The following GLIS1 variants were observed in gnomAD, a reference collection of about 807,000 sequenced individuals.
GLIS1 encodes zinc finger protein GLIS1.
Under a neutral mutation model 63.8 loss-of-function variants are expected in GLIS1, and 24 were observed. The ratio of observed to expected loss-of-function variants is 0.38; its 90% CI spans 0.27 to 0.53. The LOEUF (loss-of-function observed/expected upper bound fraction) is 0.53, where lower values mean the gene tolerates loss of function less well. Ranked by LOEUF, GLIS1 falls within the 20% of genes least tolerant of loss-of-function variation. The probability of loss-of-function intolerance (pLI) is 0.85; values close to 1 mark genes in which losing one functional copy is unlikely to be tolerated. For missense variants in GLIS1, 1,036 were observed against 1,074.1 expected (o/e 0.96, Z 0.50); for synonymous variants, 450 against 482.5 (o/e 0.93, Z 0.88).
chr1:53,687,516 TC>T (rs2100447686), intron 2 of GLIS1, among the ~76,000 whole-genome samples: 1 of 152,202 alleles, frequency 6.6e-6, no homozygotes, highest in East Asian at 1.9e-4. Context: ...CCCGAGTACA[TC>T]CCCGCTCTCC....
rs185841470 is a variant in GLIS1 at position 53,548,873 on chromosome 1, T to C, written c.1321-18921A>G. Among the ~76,000 whole-genome samples, 153 of 152,326 alleles carry C rather than the reference T, an allele frequency of 1.0e-3. 1 individual carries two copies. Among genetic ancestry groups the C allele is most frequent in the African/African-American group, 3.5e-3 (146 of 41,570 alleles). ...CAGCATTGTACAAGCATTACCACAA[T>C]CAATTTTAGAATATTTTTATCACTC... On this transcript the variant is annotated intron_variant, in intron 4 of 10. Coordinates refer to ENST00000628545, the MANE Select transcript of GLIS1 (RefSeq NM_001367484.1).
At position 53,529,823 on chromosome 1, in the gene GLIS1, G is replaced by A. The variant is rs771448756; in HGVS notation, c.1450C>T (p.Arg484Cys). Residue 484 changes from arginine to cysteine, a missense_variant, in exon 5 of 11, where the codon CGC (arginine) becomes TGC (cysteine). Arg to Cys is a radical substitution (Grantham distance 180). Coordinates refer to ENST00000628545, the MANE Select transcript of GLIS1 (RefSeq NM_001367484.1). ...AGGTGGGTGCGCTGGTGCTTGGCGC[G>A]GTCGCTGGAGTTGCTGAAGGCCTTC... ...CQKAFSNSSD[R>C]AKHQRTHLDT... 5.0e-6 allele frequency: 8 copies of A among 1,613,256 alleles called. No individual in the cohort carries two copies. The highest frequency in any genetic ancestry group is 3.4e-6 in the Non-Finnish European group (4 of 1,180,004).
chr1:53,576,035 G>A (rs1290762178), intron 4 of GLIS1, among the ~76,000 whole-genome samples: 1 of 152,100 alleles, frequency 6.6e-6, no homozygotes, highest in Non-Finnish European at 1.5e-5. Flanking sequence ...CCTCAGAGGA[G>A]ACAGACTTGC....
chr1:53,594,674 A>C lies in GLIS1; in HGVS notation c.754T>G (p.Ser252Ala), dbSNP rs760520815. The change falls in exon 4 of 11, where the codon TCC becomes GCC. Residue 252 changes from serine (S) to alanine (A), a missense_variant. Physicochemically the swap from Ser to Ala is moderately conservative, Grantham distance 99 (BLOSUM62 1). This residue lies in a region of GLIS1 where 592 missense variants were observed against 593.9 expected (regional missense o/e 1.00). Coordinates refer to ENST00000628545, the MANE Select transcript of GLIS1 (RefSeq NM_001367484.1). ...VLGLPPTSPA[S>A]SSPCASSDVT... ...TCGGAGGAGGCACAGGGTGAGGAGG[A>C]GGCTGGGGAGGTGGGGGGTAGGCCC... 1 of 1,543,684 alleles carries C rather than the reference A, an allele frequency of 6.5e-7. No homozygotes were observed. The highest frequency in any genetic ancestry group is 1.8e-5 in the Admixed American group (1 of 54,102).
At chr1:53,544,794 G>C (rs1402837869) in intron 4 of GLIS1, among the ~76,000 whole-genome samples, 1 of 152,216 alleles carries the variant, frequency 6.6e-6, no homozygotes, top group Non-Finnish European at 1.5e-5. Context: ...TTCTTTGTGA[G>C]GTTCTGGGCT....
chr1:53,674,278 G>A (rs2100406205), intron 2 of GLIS1, among the ~76,000 whole-genome samples: 1 of 152,182 alleles, frequency 6.6e-6, no homozygotes, highest in East Asian at 1.9e-4. Context: ...CCCAACGTGT[G>A]GTCCACAGTC....
chr1:53,665,014 A>T (rs1224932381), intron 2 of GLIS1, among the ~76,000 whole-genome samples: 1 of 152,162 alleles, frequency 6.6e-6, no homozygotes, highest in Non-Finnish European at 1.5e-5. Flanking sequence ...CACTGCTGCC[A>T]TTGTAAGTAA....
At chr1:53,600,366 A>G in intron 2 of GLIS1, 88 bp from the exon 3 acceptor site, 1 of 747,898 alleles carries the variant, frequency 1.3e-6, no homozygotes, top group Non-Finnish European at 1.8e-6. Flanking sequence ...CCTGGGGTAC[A>G]GCAAGGGACA....
chr1:53,642,968 G>A (rs1645803257), intron 2 of GLIS1, among the ~76,000 whole-genome samples: 1 of 152,192 alleles, frequency 6.6e-6, no homozygotes, highest in Non-Finnish European at 1.5e-5. Context: ...CAGGAATTGT[G>A]AGCTGAGGAA....
At chr1:53,600,333 AG>A (rs1645303840) in intron 2 of GLIS1, 55 bp from the exon 3 acceptor site, 7 of 1,172,962 alleles carry the variant, frequency 6.0e-6, no homozygotes. Flanking sequence ...CAGCCTGCAG[AG>A]GGGTATGGGG....
chr1:53,722,065 T>C (rs951772052), intron 2 of GLIS1, among the ~76,000 whole-genome samples: 1 of 152,230 alleles, frequency 6.6e-6, no homozygotes, highest in African/African-American at 2.4e-5. Context: ...TTGACTATAC[T>C]AATAATCAAA....
chr1:53,669,711 C>A (rs1011055196), intron 2 of GLIS1, among the ~76,000 whole-genome samples: 3 of 152,232 alleles, frequency 2.0e-5, no homozygotes, highest in Admixed American at 6.5e-5. Flanking sequence ...CCTCCCATCA[C>A]GTGCTAACTG....
At chr1:53,671,186 A>T (rs763529935) in intron 2 of GLIS1, among the ~76,000 whole-genome samples, 6 of 152,136 alleles carry the variant, frequency 3.9e-5, no homozygotes, top group Non-Finnish European at 8.8e-5. Flanking sequence ...GCTGTCAGTG[A>T]AGAAATTTTT....
At chr1:53,561,858 TC>T (rs1207086732) in intron 4 of GLIS1, among the ~76,000 whole-genome samples, 1 of 151,756 alleles carries the variant, frequency 6.6e-6, no homozygotes, top group Non-Finnish European at 1.5e-5. Context: ...TGCAAGGAAC[TC>T]CCCCCTCACC....
intron 8 of GLIS1, among the ~76,000 whole-genome samples, chr1:53,510,316 G>A (rs580939): frequency 0.087 from 13,253 of 152,216 alleles, 1,205 homozygotes; most frequent in East Asian, 0.48. Flanking sequence ...TAATTGCTCC[G>A]TTGGCCAACT....
chr1:53,629,542 G>A (rs1645630308), intron 2 of GLIS1, among the ~76,000 whole-genome samples: 1 of 152,140 alleles, frequency 6.6e-6, no homozygotes, highest in Non-Finnish European at 1.5e-5. Flanking sequence ...GGCATGGCTG[G>A]GCATCTTGTT....
chr1:53,517,580 A>G (rs1305430039), intron 7 of GLIS1, among the ~76,000 whole-genome samples: 3 of 151,322 alleles, frequency 2.0e-5, no homozygotes, highest in Non-Finnish European at 4.4e-5. Flanking sequence ...TCAAGTCCTC[A>G]CTGCCCATCA....
chr1:53,551,502 T>C (rs1644759235), intron 4 of GLIS1, among the ~76,000 whole-genome samples: 1 of 152,104 alleles, frequency 6.6e-6, no homozygotes, highest in African/African-American at 2.4e-5. Flanking sequence ...CCAAACAGGG[T>C]AACCACCTCT....
chr1:53,669,118 C>T (rs112011415), intron 2 of GLIS1, among the ~76,000 whole-genome samples: 7 of 152,332 alleles, frequency 4.6e-5, no homozygotes, highest in African/African-American at 1.2e-4. Flanking sequence ...CCTAGCTCAG[C>T]GCTCCTGCAG....
Sources: gnomAD v4.1 joint callset for allele counts (sites outside exome capture counted in the v4.1 genomes callset) on GRCh38, gnomAD v4.1.1 for gene constraint, gnomAD v4.1.1 regional missense constraint, MANE v1.5 for transcripts, NCBI Gene and HGNC (gene_info 2026-07-23, HGNC 2026-07-21) for gene names.